The following PTPN20 variants were observed in gnomAD, a reference collection of about 807,000 sequenced individuals.
PTPN20 encodes tyrosine-protein phosphatase non-receptor type 20.
PTPN20 carries 9 observed loss-of-function variants against 35.0 expected under a neutral mutation model. That is an observed-to-expected ratio of 0.26 (90% CI 0.15 to 0.45). The LOEUF (loss-of-function observed/expected upper bound fraction) is 0.45. PTPN20 is among the 20% of genes least tolerant of loss of function. The pLI, the probability that PTPN20 is intolerant of heterozygous loss-of-function variation, is 1.00. For missense variants in PTPN20, 111 were observed against 312.5 expected (o/e 0.36, Z 4.86); for synonymous variants, 32 against 100.2 (o/e 0.32, Z 4.06).
rs1379488753 is a variant in PTPN20, at chr10:46,926,694, C to G, written c.-123-5683C>G. Among the ~76,000 whole-genome samples the G allele has an allele frequency of 4.0e-5, 6 of 151,224 alleles. 1 individual carries two copies. Among genetic ancestry groups the G allele is most frequent in the African/African-American group, 1.5e-4 (6 of 40,756 alleles). ...GTTCAGCAGGTAGTCACATTCATGG[C>G]TAAGATATGGTAGACTGAAAAGGTA... On this transcript the variant is annotated intron_variant, in intron 1 of 10. Transcript: ENST00000374339.
chr10:46,995,202 A>G (rs1291382712), intron 9 of PTPN20, among the ~76,000 whole-genome samples: 1 of 151,734 alleles, frequency 6.6e-6, no homozygotes, highest in Non-Finnish European at 1.5e-5. Flanking sequence ...AGAAATATAT[A>G]TCTTGTATTG....
Position 47,001,890 on chromosome 10 carries a change from G to A in PTPN20, c.*1149G>A. The A allele has an allele frequency of 6.6e-6, 1 of 152,072 alleles. No individual in the cohort carries two copies. The highest frequency in any genetic ancestry group is 1.9e-4 in the East Asian group (1 of 5,196). The allele number at this position is 152,072 out of a possible 1,614,324, so 9.4% of individuals were successfully genotyped here. On this transcript the variant is annotated 3_prime_UTR_variant, in exon 11 of 11. Coordinates refer to ENST00000374339, the MANE Select transcript of PTPN20 (RefSeq NM_001042357.5). ...GATATTTTGGACAAGGAGTTCTGGT[G>A]ACAAGCTATACCTAATTATAAGCTA...
chr10:46,977,536 T>C (rs1266024099), intron 7 of PTPN20, among the ~76,000 whole-genome samples: 37 of 150,848 alleles, frequency 2.5e-4, no homozygotes, highest in African/African-American at 8.2e-4. Context: ...AGTAGAGATA[T>C]GCAAAGTATT....
intron 5 of PTPN20, among the ~76,000 whole-genome samples, chr10:46,960,629 A>T (rs1306055745): frequency 0.01 from 1,582 of 151,624 alleles, 9 homozygotes; most frequent in African/African-American, 0.036. Context: ...GTTTTAACAT[A>T]TGTTATATCT....
chr10:46,951,545 T>G (rs2046677473), intron 5 of PTPN20, among the ~76,000 whole-genome samples: 1 of 152,214 alleles, frequency 6.6e-6, no homozygotes, highest in Non-Finnish European at 1.5e-5. Flanking sequence ...CATGCAAATA[T>G]TCTCCTAAAT....
At chr10:46,936,462 A>G (rs1175331010) in intron 2 of PTPN20, among the ~76,000 whole-genome samples, 1 of 150,070 alleles carries the variant, frequency 6.7e-6, no homozygotes, top group Admixed American at 6.7e-5. Flanking sequence ...TTTGAGTTTC[A>G]TGTCTCATTA....
chr10:47,002,432 T>C (rs1241351642), downstream of PTPN20: 1 of 152,054 alleles, frequency 6.6e-6, no homozygotes, highest in African/African-American at 2.4e-5. Flanking sequence ...CTCATATTTT[T>C]ACAGCTGGAC....
chr10:46,968,512 C>T (rs2051369955), intron 7 of PTPN20, among the ~76,000 whole-genome samples: 1 of 151,964 alleles, frequency 6.6e-6, no homozygotes, highest in African/African-American at 2.4e-5. Flanking sequence ...TCCACAGAGC[C>T]TTAACATTGC....
intron 2 of PTPN20, among the ~76,000 whole-genome samples, chr10:46,939,869 C>T (rs1434204309): frequency 1.3e-5 from 2 of 151,744 alleles, no homozygotes; most frequent in Non-Finnish European, 2.9e-5. Flanking sequence ...TTTTAACACA[C>T]ATTCAGGAAC....
At chr10:46,932,106 A>G (rs1390398273) in intron 1 of PTPN20, among the ~76,000 whole-genome samples, 3 of 148,856 alleles carry the variant, frequency 2.0e-5, no homozygotes, top group African/African-American at 7.8e-5. Flanking sequence ...ATATAAAGAG[A>G]TACGTCATTG....
rs1486963431 is a variant in PTPN20 at position 46,951,098 on chromosome 10, G to A, written c.340+4423G>A. On this transcript the variant is annotated intron_variant, in intron 5 of 10. Transcript: ENST00000374339. ...GATAGTTAAGTCAAAGTTTATGTTC[G>A]TTTTATATTTTAATGGGCAATACCA... Among the ~76,000 whole-genome samples, 13 of 151,582 alleles carry A rather than the reference G, an allele frequency of 8.6e-5. No individual in the cohort carries two copies. The South Asian group carries it at 1.0e-3, about 12-fold the overall frequency.
chr10:46,972,384 T>A (rs2052472034), intron 7 of PTPN20, among the ~76,000 whole-genome samples: 1 of 149,990 alleles, frequency 6.7e-6, no homozygotes, highest in South Asian at 2.1e-4. Flanking sequence ...CATAATGAGA[T>A]ACCATTTTAC....
intron 9 of PTPN20, among the ~76,000 whole-genome samples, chr10:46,988,941 G>A (rs1368604734): frequency 2.1e-5 from 3 of 141,410 alleles, no homozygotes; most frequent in African/African-American, 7.7e-5. Flanking sequence ...ACTGATTTTT[G>A]TATGTCGACT....
intron 9 of PTPN20, among the ~76,000 whole-genome samples, chr10:46,996,156 C>T (rs2059073597): frequency 6.6e-6 from 1 of 151,972 alleles, no homozygotes; most frequent in Non-Finnish European, 1.5e-5. Flanking sequence ...CTTTGTTAAC[C>T]AGTACATCTT....
chr10:46,997,018 C>T (rs1223270620), intron 9 of PTPN20, among the ~76,000 whole-genome samples: 1 of 152,108 alleles, frequency 6.6e-6, no homozygotes, highest in Non-Finnish European at 1.5e-5. Context: ...ACAAAACTTG[C>T]TGGGATTTGG....
chr10:46,948,603 G>A lies in PTPN20; in HGVS notation c.340+1928G>A, dbSNP rs1343642993. On this transcript the variant is annotated intron_variant, in intron 5 of 10. Coordinates refer to ENST00000374339, the MANE Select transcript of PTPN20 (RefSeq NM_001042357.5). The stretch of plus-strand genomic sequence containing the variant: ...GAATTCCTTAGGATTTAGCTTGTGC[G>A]CAGGGTGTCAGCTGGGGTGCTAAGG... 7.3e-5 allele frequency among the ~76,000 whole-genome samples: 11 copies of A among 150,530 alleles called. No individual in the cohort carries two copies. In the South Asian group the frequency reaches 1.5e-3, roughly 20 times the overall value.
chr10:46,991,818 G>T (rs1217073166), intron 9 of PTPN20, among the ~76,000 whole-genome samples: 2 of 151,952 alleles, frequency 1.3e-5, no homozygotes, highest in African/African-American at 4.8e-5. Context: ...GATTTCCTTT[G>T]TAAGTAAGCT....
chr10:46,981,464 T>C (rs2055370547), intron 7 of PTPN20: 1 of 148,584 alleles, frequency 6.7e-6, no homozygotes, highest in Admixed American at 6.7e-5. Context: ...GAGTACCTGA[T>C]GGGCACTATT....
At chr10:46,977,488 A>G (rs1276709178) in intron 7 of PTPN20, among the ~76,000 whole-genome samples, 1 of 152,188 alleles carries the variant, frequency 6.6e-6, no homozygotes, top group African/African-American at 2.4e-5. Flanking sequence ...ACTTTTCAGT[A>G]GTGAATAGAG....
Sources: allele counts gnomAD v4.1 joint callset (sites outside exome capture counted in the v4.1 genomes callset), GRCh38; gene constraint gnomAD v4.1.1; transcripts MANE v1.5; gene names NCBI Gene and HGNC (gene_info 2026-07-23, HGNC 2026-07-21).